Variants in HELLS observed in about 807,000 individuals in gnomAD.
HELLS encodes lymphoid-specific helicase.
A neutral mutation model predicts 120.0 loss-of-function variants in HELLS; 32 were observed. The ratio of observed to expected loss-of-function variants is 0.27; its 90% CI spans 0.20 to 0.36. HELLS has a LOEUF of 0.36. Among genes scored for constraint, HELLS ranks in the 10% least tolerant of loss-of-function variants. The pLI, the probability that HELLS is intolerant of heterozygous loss-of-function variation, is 1.00. For synonymous variants in HELLS, 341 were observed against 323.4 expected (o/e 1.05, Z -0.58); for missense variants, 650 against 993.4 (o/e 0.65, Z 4.65).
rs1028891579 is a variant in HELLS at position 94,571,370 on chromosome 10, G to A, written c.436-18G>A. 6.2e-6 allele frequency: 9 copies of A among 1,454,188 alleles called. No homozygotes were observed. Among genetic ancestry groups the A allele is most frequent in the Non-Finnish European group, 1.9e-6 (2 of 1,052,314 alleles). 90.1% of individuals were successfully genotyped at this position (1,454,188 alleles called of 1,614,324 possible). ...CTTCATACATTATTAATTTGTTTTT[G>A]TTTTCTCAAACTACTAGGAAATTTT... On this transcript the variant is annotated intron_variant, in intron 6 of 21. Coordinates refer to ENST00000348459, the MANE Select transcript of HELLS (RefSeq NM_018063.5).
chr10:94,607,398 C>T (rs1472659568), intron 8 of HELLS, among the ~76,000 whole-genome samples: 1 of 152,140 alleles, frequency 6.6e-6, no homozygotes, highest in Non-Finnish European at 1.5e-5. Context: ...TCATTTTTTA[C>T]AGTCATTTAG....
intron 9 of HELLS, among the ~76,000 whole-genome samples, chr10:94,608,995 T>TTGTC (rs1362150086): frequency 6.6e-6 from 1 of 150,826 alleles, no homozygotes; most frequent in Non-Finnish European, 1.5e-5. Context: ...TTTACACTTT[T>TTGTC]TGTCTGTATC....
intron 10 of HELLS, among the ~76,000 whole-genome samples, chr10:94,579,262 G>A (rs1202153422): frequency 6.9e-6 from 1 of 144,288 alleles, no homozygotes; most frequent in Non-Finnish European, 1.5e-5. Flanking sequence ...GTTCAGTGGC[G>A]CGATCTTAGC....
downstream of HELLS, among the ~76,000 whole-genome samples, chr10:94,603,545 T>C (rs551989559): frequency 2.6e-5 from 4 of 152,344 alleles, no homozygotes; most frequent in African/African-American, 7.2e-5. Flanking sequence ...ATTTCTTTAA[T>C]GGGAACTGTG....
chr10:94,600,797 TTA>T (rs1845997563), intron 21 of HELLS, among the ~76,000 whole-genome samples: 1 of 152,192 alleles, frequency 6.6e-6, no homozygotes, highest in Non-Finnish European at 1.5e-5. Context: ...AAATCACAAA[TTA>T]TATGATAGGT....
At chr10:94,580,046 G>A (rs954776192) in intron 10 of HELLS, among the ~76,000 whole-genome samples, 2 of 145,774 alleles carry the variant, frequency 1.4e-5, no homozygotes, top group Non-Finnish European at 3.0e-5. Flanking sequence ...GAGTTCACTT[G>A]CTAATTTGGC....
chr10:94,563,919 T>G (rs1843672379), intron 6 of HELLS, among the ~76,000 whole-genome samples: 1 of 151,822 alleles, frequency 6.6e-6, no homozygotes, highest in African/African-American at 2.4e-5. Flanking sequence ...CAAGCAATTC[T>G]CCTGCCTCAG....
chr10:94,592,627 G>T, intron 17 of HELLS, 113 bp downstream of exon 17: 1 of 701,106 alleles, frequency 1.4e-6, no homozygotes, highest in African/African-American at 1.8e-5. Flanking sequence ...GAAATGACCA[G>T]AAACCCTGTG....
At chr10:94,548,661 T>A (rs1355079757) in intron 2 of HELLS, among the ~76,000 whole-genome samples, 8 of 152,170 alleles carry the variant, frequency 5.3e-5, no homozygotes, top group Non-Finnish European at 1.2e-4. Flanking sequence ...TCATAGAACC[T>A]AAAGAGTAAT....
chr10:94,599,919 T>A (rs1050255513), intron 21 of HELLS, among the ~76,000 whole-genome samples: 4 of 152,204 alleles, frequency 2.6e-5, no homozygotes, highest in African/African-American at 9.6e-5. Context: ...TATTTGTGGA[T>A]ATGAATGGTT....
At chr10:94,555,685 A>G in intron 3 of HELLS, among the ~76,000 whole-genome samples, 1 of 152,006 alleles carries the variant, frequency 6.6e-6, no homozygotes, top group East Asian at 1.9e-4. Flanking sequence ...GCTGGTGTGC[A>G]GTGCACCATC....
At chr10:94,592,146 A>G in intron 15 of HELLS, 83 bp from the exon 16 acceptor site, 2 of 1,055,938 alleles carry the variant, frequency 1.9e-6, no homozygotes, top group Non-Finnish European at 2.8e-6. Flanking sequence ...GGCTTTGAAA[A>G]TTGAACTTTC....
At chr10:94,561,681 G>T (rs914977630) in intron 4 of HELLS, among the ~76,000 whole-genome samples, 2 of 152,004 alleles carry the variant, frequency 1.3e-5, no homozygotes, top group Non-Finnish European at 2.9e-5. Context: ...TGCCCAAGCT[G>T]GTCTTGTACT....
chr10:94,546,238 G>T, intron 1 of HELLS, 139 bp from the exon 2 acceptor site: 1 of 997,028 alleles, frequency 1.0e-6, no homozygotes. Context: ...GGTGTCTTCT[G>T]AGAGGTGATG....
rs1044859988 is a variant in HELLS at position 94,595,290 on chromosome 10, G to A, written c.2248+436G>A. 2.0e-5 allele frequency among the ~76,000 whole-genome samples: 3 copies of A among 152,036 alleles called. No individual in the cohort carries two copies. In the South Asian group the frequency reaches 6.2e-4, roughly 32 times the overall value. ...TAAATAAGCAGTGGGGAATTTGGGA[G>A]CCTAAACTAAGTTGGTCACCATAGA... On this transcript the variant is annotated intron_variant, in intron 19 of 21. Coordinates refer to ENST00000348459, the MANE Select transcript of HELLS (RefSeq NM_018063.5).
chr10:94,602,238 G>T (rs1046898636), downstream of HELLS: 2 of 152,070 alleles, frequency 1.3e-5, no homozygotes, highest in African/African-American at 4.8e-5. Flanking sequence ...GATTTCAAGT[G>T]GACATTGTGT....
chr10:94,554,353 G>T (rs1340550515), intron 3 of HELLS, 105 bp downstream of exon 3: 10 of 771,496 alleles, frequency 1.3e-5, no homozygotes, highest in South Asian at 2.8e-5. Context: ...TTAAGTGTAC[G>T]GTTTGCTGAG....
At chr10:94,563,374 C>T (rs1466969839) in intron 6 of HELLS, among the ~76,000 whole-genome samples, 1 of 152,172 alleles carries the variant, frequency 6.6e-6, no homozygotes, top group Non-Finnish European at 1.5e-5. Flanking sequence ...ACATTACAGG[C>T]GTGAGCCATT....
In HELLS at chr10:94,597,111, G is replaced by C; in HGVS notation, c.2422G>C (p.Asp808His). 3 of 1,559,534 alleles carry C rather than the reference G, an allele frequency of 1.9e-6. No individual in the cohort carries two copies. The South Asian group carries it at 3.4e-5, about 18-fold the overall frequency. ...GTTGTTAGATCGAAGTGATCTTATTGGTAAGTATTATGCTTTTTTTTAATG... is the reference window on the plus strand; with the variant it reads ...GTTGTTAGATCGAAGTGATCTTATTCGTAAGTATTATGCTTTTTTTTAATG... Reference protein sequence around the residue: ...ELLLDRSDLIDQMNASGPIKE... With the variant: ...ELLLDRSDLIHQMNASGPIKE... Residue 808 changes from aspartate (D) to histidine (H), a missense_variant and splice_region_variant, in exon 21 of 22, where the codon GAT becomes CAT. Coordinates refer to ENST00000348459, the MANE Select transcript of HELLS (RefSeq NM_018063.5).
Sources: allele counts gnomAD v4.1 joint callset (sites outside exome capture counted in the v4.1 genomes callset), GRCh38; gene constraint gnomAD v4.1.1; transcripts MANE v1.5; gene names NCBI Gene and HGNC (gene_info 2026-07-23, HGNC 2026-07-21).